Variants in DAB1 observed in about 807,000 individuals in gnomAD.
The protein encoded by DAB1 is DAB adaptor protein 1, also known as disabled homolog 1.
In DAB1, 15 loss-of-function variants were observed where a neutral mutation model predicts 64.6. That is an observed-to-expected ratio of 0.23 (90% CI 0.16 to 0.36). The LOEUF is 0.36. DAB1 is among the 10% of genes least tolerant of loss of function. The probability of loss-of-function intolerance (pLI) is 1.00; values close to 1 mark genes in which losing one functional copy is unlikely to be tolerated. For missense variants in DAB1, 596 were observed against 706.7 expected, an observed-to-expected ratio of 0.84 and a Z score of 1.78; for synonymous variants, 235 against 251.9, an observed-to-expected ratio of 0.93 and a Z score of 0.64.
chr1:57,575,812 T>C (rs1269627217), intron 7 of DAB1, among the ~76,000 whole-genome samples: 1 of 152,192 alleles, frequency 6.6e-6, no homozygotes, highest in African/African-American at 2.4e-5. Flanking sequence ...AGTTCTGACC[T>C]ATACCCTGGA....
intron 7 of DAB1, among the ~76,000 whole-genome samples, chr1:57,569,562 A>T (rs979140413): frequency 2.0e-5 from 3 of 150,510 alleles, no homozygotes; most frequent in Non-Finnish European, 4.4e-5. Context: ...ACACTCGGAC[A>T]CAGGAAGAGG....
chr1:58,423,263 T>G (rs1245901427), intron 3 of DAB1, among the ~76,000 whole-genome samples: 3 of 152,194 alleles, frequency 2.0e-5, no homozygotes, highest in African/African-American at 7.2e-5. Context: ...TACATCCCAG[T>G]CTTAGACCTC....
chr1:57,342,287 C>T (rs1023189537), intron 1 of DAB1, among the ~76,000 whole-genome samples: 3 of 152,136 alleles, frequency 2.0e-5, no homozygotes, highest in Non-Finnish European at 2.9e-5. Flanking sequence ...TCCATGTCAG[C>T]TCAAAAGTTC....
intron 6 of DAB1, among the ~76,000 whole-genome samples, chr1:57,810,068 T>G (rs1293144037): frequency 1.3e-5 from 2 of 152,262 alleles, no homozygotes; most frequent in East Asian, 1.9e-4. Context: ...AGTTTCCAAC[T>G]CAGTTGCCAC....
At chr1:57,327,446 G>C (rs1367521672) in intron 1 of DAB1, among the ~76,000 whole-genome samples, 3 of 152,144 alleles carry the variant, frequency 2.0e-5, no homozygotes, top group Non-Finnish European at 4.4e-5. Flanking sequence ...TTTCCCGAGT[G>C]TGTGAATTCC....
intron 5 of DAB1, among the ~76,000 whole-genome samples, chr1:58,038,049 A>C (rs1647074000): frequency 6.6e-6 from 1 of 152,346 alleles, no homozygotes; most frequent in South Asian, 2.1e-4. Context: ...TACCCTAACT[A>C]ATACACTATA....
intron 7 of DAB1, among the ~76,000 whole-genome samples, chr1:57,438,108 A>T (rs561802014): frequency 4.1e-4 from 63 of 152,294 alleles, no homozygotes; most frequent in African/African-American, 1.5e-3. Flanking sequence ...ACAGGAAATG[A>T]ATTTCTTATT....
At chr1:57,777,145 T>G (rs1012106523) in intron 6 of DAB1, among the ~76,000 whole-genome samples, 6 of 149,716 alleles carry the variant, frequency 4.0e-5, no homozygotes, top group Admixed American at 6.7e-5. Flanking sequence ...GAATTTCTTT[T>G]TTTTTTTTTT....
At chr1:57,315,666 C>G (rs1311201272) in intron 1 of DAB1, among the ~76,000 whole-genome samples, 4 of 152,104 alleles carry the variant, frequency 2.6e-5, no homozygotes, top group Admixed American at 1.3e-4. Flanking sequence ...CCACGCCCAG[C>G]TAATTTTTTG....
At chr1:58,113,328 T>A (rs1652096695) in intron 5 of DAB1, among the ~76,000 whole-genome samples, 1 of 152,026 alleles carries the variant, frequency 6.6e-6, no homozygotes, top group African/African-American at 2.4e-5. Context: ...GTACCAAGGA[T>A]TCTGGTTTGG....
chr1:57,507,384 C>T (rs1360800219), intron 7 of DAB1, among the ~76,000 whole-genome samples: 8 of 152,154 alleles, frequency 5.3e-5, no homozygotes, highest in African/African-American at 1.9e-4. Flanking sequence ...CCAGGGAGTC[C>T]GGCCTTACCT....
intron 5 of DAB1, among the ~76,000 whole-genome samples, chr1:57,961,871 C>T (rs1255182089): frequency 6.6e-6 from 1 of 151,892 alleles, no homozygotes; most frequent in Non-Finnish European, 1.5e-5. Context: ...ACTCGGGAGG[C>T]TGAGGCAGGA....
At chr1:58,403,971 G>T (rs574143011) in intron 3 of DAB1, among the ~76,000 whole-genome samples, 1 of 152,300 alleles carries the variant, frequency 6.6e-6, no homozygotes, top group East Asian at 1.9e-4. Context: ...GGAAAAACTT[G>T]GATTTATTTG....
intron 9 of DAB1, among the ~76,000 whole-genome samples, chr1:57,047,451 T>C (rs1428880110): frequency 1.3e-5 from 2 of 152,248 alleles, no homozygotes; most frequent in East Asian, 3.9e-4. Flanking sequence ...ATGATACAAT[T>C]AGTGGCCTTA....
intron 7 of DAB1, among the ~76,000 whole-genome samples, chr1:57,478,652 G>T (rs1643970850): frequency 7.0e-6 from 1 of 142,810 alleles, no homozygotes; most frequent in Admixed American, 7.2e-5. Flanking sequence ...AGGTGCAATG[G>T]CATGATCTCA....
At chr1:58,522,469 G>C (rs895928269) in intron 2 of DAB1, among the ~76,000 whole-genome samples, 2 of 152,080 alleles carry the variant, frequency 1.3e-5, no homozygotes, top group African/African-American at 4.8e-5. Flanking sequence ...CATCATAATG[G>C]TGAAATACTG....
At chr1:57,362,518 A>G (rs1471296947) in intron 1 of DAB1, among the ~76,000 whole-genome samples, 1 of 152,136 alleles carries the variant, frequency 6.6e-6, no homozygotes, top group Non-Finnish European at 1.5e-5. Flanking sequence ...CTAATTGCCA[A>G]TGTGATGGTA....
At chr1:57,086,644 AACACACACACACAC>A (rs368060919) in intron 4 of DAB1, among the ~76,000 whole-genome samples, 86 of 118,522 alleles carry the variant, frequency 7.3e-4, no homozygotes, top group African/African-American at 1.6e-3. Context: ...TTCTGTCTTA[AACACACACACACAC>A]ACACACACAC....
chr1:57,921,915 C>T (rs1209760990), intron 5 of DAB1, among the ~76,000 whole-genome samples: 1 of 152,198 alleles, frequency 6.6e-6, no homozygotes, highest in African/African-American at 2.4e-5. Flanking sequence ...TCTTTCTGCT[C>T]CAGCTACACC....
Sources: allele counts gnomAD v4.1 joint callset (sites outside exome capture counted in the v4.1 genomes callset), GRCh38; gene constraint gnomAD v4.1.1; transcripts MANE v1.5; gene names NCBI Gene and HGNC (gene_info 2026-07-23, HGNC 2026-07-21).